The following MAP1B variants were observed in gnomAD, a reference collection of about 807,000 sequenced individuals.
MAP1B encodes microtubule associated protein 1B, also known as microtubule-associated protein 1B.
MAP1B carries 12 observed loss-of-function variants against 176.1 expected under a neutral mutation model. That is an observed-to-expected ratio of 0.07 (90% CI 0.04 to 0.11). MAP1B has a LOEUF of 0.11. Ranked by LOEUF, MAP1B falls within the 10% of genes least tolerant of loss-of-function variation. MAP1B has a pLI of 1.00. For synonymous variants in MAP1B, 1,044 were observed against 1,135.0 expected, an observed-to-expected ratio of 0.92 and a Z score of 1.61; for missense variants, 2,523 against 2,990.5, an observed-to-expected ratio of 0.84 and a Z score of 3.65.
intron 2 of MAP1B, among the ~76,000 whole-genome samples, chr5:72,136,424 G>A (rs868062177): frequency 1.3e-5 from 2 of 152,110 alleles, no homozygotes; most frequent in African/African-American, 4.8e-5. Flanking sequence ...AGGAGTAGTC[G>A]GGTCATCTTC....
intron 2 of MAP1B, among the ~76,000 whole-genome samples, chr5:72,118,120 T>C (rs754450217): frequency 1.3e-5 from 2 of 152,210 alleles, no homozygotes; most frequent in African/African-American, 4.8e-5. Context: ...AGCTAACTCA[T>C]GTACTTCAGT....
chr5:72,198,621 C>T lies in MAP1B; in HGVS notation c.5266C>T (p.Pro1756Ser). The T allele has an allele frequency of 1.2e-6, 2 of 1,614,142 alleles. No individual in the cohort carries two copies. Among genetic ancestry groups the T allele is most frequent in the East Asian group, 2.2e-5 (1 of 44,882 alleles). The stretch of plus-strand genomic sequence containing the variant: ...AGATACTCTATCCGATGTTGCTCCT[C>T]CCAGAGATATGTCCTTATATGCCTC... ...QEDTLSDVAP[P>S]RDMSLYASLT... Residue 1756 changes from proline (P) to serine (S), a missense_variant, in exon 5 of 7, where the codon CCC (proline) becomes TCC (serine). Physicochemically the swap from Pro to Ser is moderately conservative, Grantham distance 74. Around this residue, in one of 4 missense-constraint regions of MAP1B, gnomAD observed 1,925 missense variants for 2,126.0 expected, o/e 0.91. Transcript: ENST00000296755.
At chr5:72,163,994 C>T (rs3098383) in intron 2 of MAP1B, among the ~76,000 whole-genome samples, 107,469 of 139,812 alleles carry the variant, frequency 0.77, 42,004 homozygotes, top group South Asian at 0.92. Context: ...AGTACAGTGG[C>T]ACAATCAGGG....
At chr5:72,143,538 A>G (rs566611838) in intron 2 of MAP1B, among the ~76,000 whole-genome samples, 13 of 152,320 alleles carry the variant, frequency 8.5e-5, no homozygotes, top group Admixed American at 7.8e-4. Context: ...TAAAAAACAT[A>G]TCTGTCTTGG....
At chr5:72,151,589 A>C (rs1316945777) in intron 2 of MAP1B, among the ~76,000 whole-genome samples, 3 of 152,226 alleles carry the variant, frequency 2.0e-5, no homozygotes, top group Admixed American at 6.5e-5. Flanking sequence ...AAGTGATTAG[A>C]CACCTCTGCT....
chr5:72,145,327 A>G (rs769198309), intron 2 of MAP1B, among the ~76,000 whole-genome samples: 1 of 152,110 alleles, frequency 6.6e-6, no homozygotes, highest in Non-Finnish European at 1.5e-5. Flanking sequence ...AAAGAGAATG[A>G]TATTAAGCAC....
intron 2 of MAP1B, among the ~76,000 whole-genome samples, chr5:72,132,464 T>C (rs989690424): frequency 6.6e-6 from 1 of 152,226 alleles, no homozygotes; most frequent in Non-Finnish European, 1.5e-5. Context: ...CTCCAACTCA[T>C]CATTTCCTCT....
intron 4 of MAP1B, among the ~76,000 whole-genome samples, chr5:72,193,529 C>T (rs1283337814): frequency 6.6e-6 from 1 of 152,028 alleles, no homozygotes; most frequent in Non-Finnish European, 1.5e-5. Flanking sequence ...CTCAGTTGCC[C>T]AGGTGGTCAC....
intron 2 of MAP1B, among the ~76,000 whole-genome samples, chr5:72,178,826 C>T (rs189982992): frequency 1.0e-4 from 15 of 150,662 alleles, no homozygotes; most frequent in Middle Eastern, 3.4e-3. Flanking sequence ...TAGAAATTTA[C>T]ATACATAGAA....
At chr5:72,182,100 G>A (rs995554728) in intron 2 of MAP1B, among the ~76,000 whole-genome samples, 1 of 138,230 alleles carries the variant, frequency 7.2e-6, no homozygotes, top group African/African-American at 2.8e-5. Flanking sequence ...CTGGGTTCAA[G>A]CAATCCTCCT....
intron 2 of MAP1B, among the ~76,000 whole-genome samples, chr5:72,153,264 G>A (rs1490330701): frequency 6.6e-6 from 1 of 152,094 alleles, no homozygotes; most frequent in African/African-American, 2.4e-5. Context: ...CATGGGCAGA[G>A]ATCTCACATG....
intron 2 of MAP1B, among the ~76,000 whole-genome samples, chr5:72,140,151 C>T (rs533593588): frequency 5.9e-5 from 9 of 152,056 alleles, no homozygotes; most frequent in East Asian, 1.9e-4. Context: ...TTTGTAGAGA[C>T]GAGGTTTTCC....
intron 1 of MAP1B, 28 bp downstream of exon 1, chr5:72,107,743 C>T: frequency 1.3e-6 from 2 of 1,595,648 alleles, no homozygotes; most frequent in Non-Finnish European, 8.5e-7. Context: ...CCCAGAGACG[C>T]GCGCTGGGAG....
At position 72,166,903 on chromosome 5, in the gene MAP1B, G is replaced by A. The variant is rs527867439; in HGVS notation, c.287-16840G>A. Among the ~76,000 whole-genome samples, 24 of 152,344 alleles carry A rather than the reference G, an allele frequency of 1.6e-4. No individual in the cohort carries two copies. The South Asian group carries it at 4.6e-3, about 29-fold the overall frequency. Reference sequence around the variant, plus strand: ...GCAAATGGCAGACTGTGGGCAGGACGGGGCAGTCCAGGAAACAAGATGAAA... The same window carrying A: ...GCAAATGGCAGACTGTGGGCAGGACAGGGCAGTCCAGGAAACAAGATGAAA... On this transcript the variant is annotated intron_variant, in intron 2 of 6. Coordinates refer to ENST00000296755, the MANE Select transcript of MAP1B (RefSeq NM_005909.5).
At position 72,200,001 on chromosome 5, in the gene MAP1B, G is replaced by A; in HGVS notation, c.6646G>A (p.Asp2216Asn). Residue 2216 changes from aspartate to asparagine, a missense_variant, in exon 5 of 7, where the codon GAT becomes AAT. By Grantham distance (23) the Asp-to-Asn change is conservative (BLOSUM62 1). This residue lies in a region of MAP1B where 287 missense variants were observed against 401.5 expected (regional missense o/e 0.71). Transcript: ENST00000296755. ...CCGCAGCCCTTCGCCACGCCACCCTGATGTGTCCATGGTGGACCCAGAGGC... is the reference window on the plus strand; with the variant it reads ...CCGCAGCCCTTCGCCACGCCACCCTAATGTGTCCATGGTGGACCCAGAGGC... ...QDRSPSPRHP[D>N]VSMVDPEALA... is the part of the protein sequence containing the mutation. 4 of 1,614,184 alleles carry A rather than the reference G, an allele frequency of 2.5e-6. No homozygotes were observed. Among genetic ancestry groups the A allele is most frequent in the Non-Finnish European group, 3.4e-6 (4 of 1,180,044 alleles).
At chr5:72,201,508 G>A (rs1747334535) in intron 5 of MAP1B, among the ~76,000 whole-genome samples, 1 of 152,212 alleles carries the variant, frequency 6.6e-6, no homozygotes, top group African/African-American at 2.4e-5. Context: ...GCTTTTGATG[G>A]AACTGGTCTA....
At chr5:72,149,459 A>G (rs954735625) in intron 2 of MAP1B, among the ~76,000 whole-genome samples, 34 of 152,228 alleles carry the variant, frequency 2.2e-4, no homozygotes, top group African/African-American at 8.2e-4. Flanking sequence ...CTCATCATCT[A>G]TCAGATGAGG....
chr5:72,110,866 C>T (rs182541121), intron 1 of MAP1B, among the ~76,000 whole-genome samples: 156 of 152,252 alleles, frequency 1.0e-3, no homozygotes, highest in African/African-American at 3.7e-3. Flanking sequence ...AATCAACAGG[C>T]CTGGAACGTC....
At chr5:72,192,437 A>AT (rs879454663) in intron 4 of MAP1B, among the ~76,000 whole-genome samples, 2 of 152,214 alleles carry the variant, frequency 1.3e-5, no homozygotes, top group Non-Finnish European at 2.9e-5. Context: ...TTATTTTGTT[A>AT]TTTTGCGGCC....
Sources: gnomAD v4.1 joint callset for allele counts (sites outside exome capture counted in the v4.1 genomes callset) on GRCh38, gnomAD v4.1.1 for gene constraint, gnomAD v4.1.1 regional missense constraint, MANE v1.5 for transcripts, NCBI Gene and HGNC (gene_info 2026-07-23, HGNC 2026-07-21) for gene names.